IFT80: variants seen among roughly 807,000 people sequenced by gnomAD.
The protein encoded by IFT80 is intraflagellar transport 80.
Under a neutral mutation model 107.9 loss-of-function variants are expected in IFT80, and 79 were observed. The observed-to-expected ratio is 0.73, with a 90% CI of 0.61 to 0.88. IFT80 has a LOEUF of 0.88. Among genes scored for constraint, IFT80 ranks in the 40% least tolerant of loss-of-function variants. The pLI is 0.00. For synonymous variants in IFT80, 299 were observed against 300.9 expected, an observed-to-expected ratio of 0.99 and a Z score of 0.07; for missense variants, 797 against 914.2, an observed-to-expected ratio of 0.87 and a Z score of 1.65.
chr3:160,372,808 A>G (rs1373030330), intron 5 of IFT80, among the ~76,000 whole-genome samples: 1 of 152,236 alleles, frequency 6.6e-6, no homozygotes, highest in East Asian at 1.9e-4. Context: ...TCATTACATG[A>G]TATGATGAAT....
intron 12 of IFT80, among the ~76,000 whole-genome samples, chr3:160,288,019 A>T (rs959533472): frequency 6.6e-6 from 1 of 152,222 alleles, no homozygotes; most frequent in Admixed American, 6.5e-5. Flanking sequence ...ACTCATCCAA[A>T]CTGGGAAAAA....
At chr3:160,333,350 T>C (rs1719220625) in intron 8 of IFT80, among the ~76,000 whole-genome samples, 5 of 152,152 alleles carry the variant, frequency 3.3e-5, no homozygotes, top group Admixed American at 3.3e-4. Flanking sequence ...AAAAAATTTT[T>C]CTTTCTTCAA....
At chr3:160,289,980 G>T (rs189803034) in intron 12 of IFT80, among the ~76,000 whole-genome samples, 2 of 152,140 alleles carry the variant, frequency 1.3e-5, no homozygotes, top group African/African-American at 2.4e-5. Flanking sequence ...TGCAAGGGTT[G>T]GTAGAATTAA....
At chr3:160,333,903 T>C (rs532109821) in intron 8 of IFT80, among the ~76,000 whole-genome samples, 1 of 152,282 alleles carries the variant, frequency 6.6e-6, no homozygotes, top group South Asian at 2.1e-4. Context: ...GTATGTACTG[T>C]ACTTTTATAT....
chr3:160,312,652 T>A (rs1366201807), intron 9 of IFT80, among the ~76,000 whole-genome samples: 1 of 48,662 alleles, frequency 2.1e-5, no homozygotes, highest in Non-Finnish European at 3.5e-5. Flanking sequence ...ATATTATATA[T>A]AAATATATAA....
intron 1 of IFT80, among the ~76,000 whole-genome samples, chr3:160,389,547 T>C (rs1208880687): frequency 1.4e-5 from 2 of 143,394 alleles, no homozygotes; most frequent in Non-Finnish European, 3.0e-5. Flanking sequence ...GTTCTCATTG[T>C]TCAATTCCCA....
At chr3:160,371,916 G>T (rs888921734) in intron 5 of IFT80, among the ~76,000 whole-genome samples, 1 of 152,070 alleles carries the variant, frequency 6.6e-6, no homozygotes, top group Non-Finnish European at 1.5e-5. Flanking sequence ...TGACACAAAA[G>T]ATATGGCCTA....
intron 3 of IFT80, among the ~76,000 whole-genome samples, chr3:160,378,358 A>G (rs1177006732): frequency 6.6e-6 from 1 of 152,028 alleles, no homozygotes; most frequent in Non-Finnish European, 1.5e-5. Flanking sequence ...CTGATTTATC[A>G]TAGCACTATA....
intron 1 of IFT80, among the ~76,000 whole-genome samples, chr3:160,395,234 A>T (rs1215140303): frequency 2.0e-5 from 3 of 152,212 alleles, no homozygotes; most frequent in Non-Finnish European, 4.4e-5. Context: ...GCTTATCTTC[A>T]TGAAGATACT....
intron 8 of IFT80, among the ~76,000 whole-genome samples, chr3:160,330,716 G>C (rs984785522): frequency 1.3e-5 from 2 of 152,070 alleles, no homozygotes; most frequent in African/African-American, 4.8e-5. Context: ...ACCACACTCT[G>C]AGAATGACTG....
intron 8 of IFT80, among the ~76,000 whole-genome samples, chr3:160,326,982 G>A (rs1289177067): frequency 1.3e-5 from 2 of 152,080 alleles, no homozygotes; most frequent in Admixed American, 6.6e-5. Flanking sequence ...CAAAGTCTCA[G>A]GATACAAAAT....
intron 19 of IFT80, among the ~76,000 whole-genome samples, chr3:160,265,731 A>T (rs1263582266): frequency 6.6e-6 from 1 of 152,166 alleles, no homozygotes; most frequent in Non-Finnish European, 1.5e-5. Context: ...TTCTTCCCTT[A>T]TGGTAGATTC....
intron 8 of IFT80, among the ~76,000 whole-genome samples, chr3:160,336,976 T>C (rs1362389041): frequency 6.6e-6 from 1 of 152,198 alleles, no homozygotes; most frequent in Non-Finnish European, 1.5e-5. Flanking sequence ...TTTCCCCTCC[T>C]CTCCTTTTCT....
rs148236580 is a variant in IFT80 at position 160,271,016 on chromosome 3, TATG to T, written c.2100-2483_2100-2481del. Among the ~76,000 whole-genome samples, 1,058 of 152,300 alleles carry T rather than the reference TATG, an allele frequency of 6.9e-3. 11 individuals carry two copies. The highest frequency in any genetic ancestry group is 0.024 in the African/African-American group (989 of 41,548). ...ATTTAATTATGTAGAAAGAATAGAA[TATG>T]ATGTCTAATCCTGCATTTAGATGCT... On this transcript the variant is annotated intron_variant, in intron 18 of 19. Coordinates refer to ENST00000326448, the MANE Select transcript of IFT80 (RefSeq NM_020800.3).
chr3:160,263,170 T>C (rs566786197), intron 19 of IFT80, among the ~76,000 whole-genome samples: 3 of 144,268 alleles, frequency 2.1e-5, no homozygotes, highest in Non-Finnish European at 3.2e-5. Flanking sequence ...ACTAGAAATG[T>C]TGAAGTCATT....
At chr3:160,366,921 C>A (rs1721910979) in intron 5 of IFT80, among the ~76,000 whole-genome samples, 1 of 152,000 alleles carries the variant, frequency 6.6e-6, no homozygotes, top group Middle Eastern at 3.2e-3. Context: ...TCCCTCACAA[C>A]CCCCTCACTA....
intron 1 of IFT80, among the ~76,000 whole-genome samples, chr3:160,386,733 C>G (rs1044378280): frequency 1.3e-5 from 2 of 152,132 alleles, no homozygotes; most frequent in Admixed American, 1.3e-4. Context: ...TCTTCCTATT[C>G]CTACATTTAC....
intron 8 of IFT80, among the ~76,000 whole-genome samples, chr3:160,332,973 T>C (rs994474847): frequency 2.0e-5 from 3 of 152,218 alleles, no homozygotes; most frequent in African/African-American, 7.2e-5. Context: ...GATTTCATCA[T>C]GTGAACATCA....
At chr3:160,317,178 T>C (rs1419242375) in intron 9 of IFT80, among the ~76,000 whole-genome samples, 5 of 152,100 alleles carry the variant, frequency 3.3e-5, no homozygotes, top group Admixed American at 3.3e-4. Context: ...GATCACTCAA[T>C]AGATACCCAT....
Sources: gnomAD v4.1 joint callset for allele counts (sites outside exome capture counted in the v4.1 genomes callset) on GRCh38, gnomAD v4.1.1 for gene constraint, MANE v1.5 for transcripts, NCBI Gene and HGNC (gene_info 2026-07-23, HGNC 2026-07-21) for gene names.